Variants in PDE4B observed in about 807,000 individuals in gnomAD.
PDE4B encodes phosphodiesterase 4B.
PDE4B carries 20 observed loss-of-function variants against 82.2 expected under a neutral mutation model. The observed-to-expected ratio is 0.24, with a 90% confidence interval of 0.17 to 0.35. The LOEUF (loss-of-function observed/expected upper bound fraction) is 0.35, where lower values mean the gene tolerates loss of function less well. Among genes scored for constraint, PDE4B ranks in the 10% least tolerant of loss-of-function variants. The pLI is 1.00. For missense variants in PDE4B, 655 were observed against 907.2 expected (o/e 0.72, Z 3.57); for synonymous variants, 320 against 318.9 (o/e 1.00, Z -0.04).
At chr1:66,080,723 GA>G (rs1656678561) in intron 3 of PDE4B, among the ~76,000 whole-genome samples, 1 of 152,064 alleles carries the variant, frequency 6.6e-6, no homozygotes, top group South Asian at 2.1e-4. Flanking sequence ...TTTTTATTTT[GA>G]AATATTAAAT....
intron 1 of PDE4B, among the ~76,000 whole-genome samples, chr1:65,872,285 A>G (rs1443385305): frequency 3.9e-5 from 6 of 152,210 alleles, no homozygotes; most frequent in African/African-American, 1.2e-4. Context: ...ATAAAATTAC[A>G]TGTGCAATTT....
intron 2 of PDE4B, among the ~76,000 whole-genome samples, chr1:65,918,296 GA>G (rs1165086851): frequency 7.2e-5 from 11 of 152,024 alleles, no homozygotes; most frequent in Non-Finnish European, 1.6e-4. Flanking sequence ...AGCAACTTAT[GA>G]AAAAAATTAA....
At chr1:66,282,713 T>C (rs575164077) in intron 7 of PDE4B, among the ~76,000 whole-genome samples, 2 of 152,328 alleles carry the variant, frequency 1.3e-5, no homozygotes, top group East Asian at 1.9e-4. Flanking sequence ...CTTTAACCTT[T>C]CTAGACTCAG....
At chr1:65,887,803 A>G (rs1646808139) in intron 1 of PDE4B, among the ~76,000 whole-genome samples, 1 of 151,606 alleles carries the variant, frequency 6.6e-6, no homozygotes, top group Non-Finnish European at 1.5e-5. Flanking sequence ...TTTTTCAATG[A>G]GATTTTTTTT....
At chr1:65,927,151 CA>C in intron 3 of PDE4B, among the ~76,000 whole-genome samples, 1 of 143,974 alleles carries the variant, frequency 6.9e-6, no homozygotes, top group Non-Finnish European at 1.5e-5. Context: ...TGATATAGGG[CA>C]CAGATCTACA....
chr1:65,918,695 A>G lies in PDE4B; in HGVS notation c.141A>G (p.Ser47=). ...IDLWRGRRCC[S]GNLQLPPLSQ... is the part of the protein sequence containing the mutation. ...TCTGGAGAGGGAGAAGGTGTTGCTCAGGAAACTTACAGTTACCACCACTGT... is the reference window on the plus strand; with the variant it reads ...TCTGGAGAGGGAGAAGGTGTTGCTCGGGAAACTTACAGTTACCACCACTGT... Residue 47 remains serine (S), a synonymous_variant, in exon 3 of 17, where the codon TCA becomes TCG. Transcript: ENST00000341517. 2 of 1,613,312 alleles carry G rather than the reference A, an allele frequency of 1.2e-6. No individual in the cohort carries two copies. The highest frequency in any genetic ancestry group is 1.7e-6 in the Non-Finnish European group (2 of 1,179,222).
At chr1:66,311,781 A>G (rs967099661) in intron 7 of PDE4B, among the ~76,000 whole-genome samples, 1 of 152,236 alleles carries the variant, frequency 6.6e-6, no homozygotes, top group Non-Finnish European at 1.5e-5. Context: ...AGCAAAGTGT[A>G]TTCCCCATGA....
chr1:66,331,754 G>A, intron 7 of PDE4B: 1 of 985,414 alleles, frequency 1.0e-6, no homozygotes, highest in Non-Finnish European at 1.2e-6. Context: ...GCTTTGTTTA[G>A]TATAACAAGA....
intron 3 of PDE4B, among the ~76,000 whole-genome samples, chr1:66,208,134 C>G (rs1029548756): frequency 3.3e-5 from 5 of 152,272 alleles, no homozygotes; most frequent in Non-Finnish European, 5.9e-5. Context: ...TCCATGCTCT[C>G]TAGGTGTGCC....
At chr1:66,042,182 G>A (rs1490699358) in intron 3 of PDE4B, among the ~76,000 whole-genome samples, 1 of 151,742 alleles carries the variant, frequency 6.6e-6, no homozygotes, top group East Asian at 1.9e-4. Context: ...TTGTATAGCT[G>A]TTAAAGTGAT....
At chr1:66,298,792 C>A (rs1657688293) in intron 7 of PDE4B, among the ~76,000 whole-genome samples, 1 of 152,134 alleles carries the variant, frequency 6.6e-6, no homozygotes, top group South Asian at 2.1e-4. Flanking sequence ...TCTACTCAGC[C>A]TTCTACCCTG....
chr1:65,879,476 C>A (rs1053858391), intron 1 of PDE4B, among the ~76,000 whole-genome samples: 2 of 151,844 alleles, frequency 1.3e-5, no homozygotes, highest in African/African-American at 4.8e-5. Flanking sequence ...AAACATAATT[C>A]TATAAGGTAA....
intron 3 of PDE4B, among the ~76,000 whole-genome samples, chr1:66,199,369 G>A (rs1648657348): frequency 6.6e-6 from 1 of 152,138 alleles, no homozygotes; most frequent in Non-Finnish European, 1.5e-5. Flanking sequence ...CAGTGATGAT[G>A]AGCATTTTTT....
intron 7 of PDE4B, among the ~76,000 whole-genome samples, chr1:66,296,320 GGCT>G (rs1412634187): frequency 6.6e-6 from 1 of 152,086 alleles, no homozygotes; most frequent in Non-Finnish European, 1.5e-5. Context: ...ATAGGGAGTG[GGCT>G]GACTTCTTGG....
chr1:66,044,323 TA>T (rs1197402599), intron 3 of PDE4B, among the ~76,000 whole-genome samples: 1 of 151,764 alleles, frequency 6.6e-6, no homozygotes, highest in Non-Finnish European at 1.5e-5. Flanking sequence ...GATAGTTTCA[TA>T]AAAAATATTG....
intron 3 of PDE4B, among the ~76,000 whole-genome samples, chr1:66,010,200 G>C (rs1291231669): frequency 6.6e-6 from 1 of 151,962 alleles, no homozygotes; most frequent in Non-Finnish European, 1.5e-5. Context: ...TGTTGAATGG[G>C]AGAGGGAAAT....
intron 3 of PDE4B, among the ~76,000 whole-genome samples, chr1:66,150,493 T>C: frequency 6.6e-6 from 1 of 152,228 alleles, no homozygotes; most frequent in East Asian, 1.9e-4. Context: ...ATAAATTGTT[T>C]TACCTCTTCC....
chr1:66,150,904 T>C (rs1407338785), intron 3 of PDE4B, among the ~76,000 whole-genome samples: 1 of 152,206 alleles, frequency 6.6e-6, no homozygotes, highest in Non-Finnish European at 1.5e-5. Context: ...TGGTGTCTAA[T>C]GCTTTTATAT....
At chr1:66,346,304 T>C (rs1195791832) in intron 8 of PDE4B, among the ~76,000 whole-genome samples, 1 of 152,222 alleles carries the variant, frequency 6.6e-6, no homozygotes, top group Non-Finnish European at 1.5e-5. Context: ...GCAGTTATCC[T>C]CATGTCAGGT....
Sources: allele counts gnomAD v4.1 joint callset (sites outside exome capture counted in the v4.1 genomes callset), GRCh38; gene constraint gnomAD v4.1.1; transcripts MANE v1.5; gene names NCBI Gene and HGNC (gene_info 2026-07-23, HGNC 2026-07-21).